ARHGAP24: variants seen among roughly 807,000 people sequenced by gnomAD.
ARHGAP24 encodes Rho GTPase activating protein 24.
ARHGAP24 carries 50 observed loss-of-function variants against 76.4 expected under a neutral mutation model. That is an observed-to-expected ratio of 0.65 (90% CI 0.52 to 0.83). The LOEUF is 0.83. Ranked by LOEUF, ARHGAP24 falls within the 40% of genes least tolerant of loss-of-function variation. The pLI, the probability that ARHGAP24 is intolerant of heterozygous loss-of-function variation, is 0.00. For missense variants in ARHGAP24, 930 were observed against 914.2 expected (o/e 1.02, Z -0.22); for synonymous variants, 345 against 323.3 (o/e 1.07, Z -0.72).
Position 85,814,038 on chromosome 4 carries a change from T to C in ARHGAP24, c.268+92066T>C, listed in dbSNP as rs143601004. On this transcript the variant is annotated intron_variant, in intron 3 of 9. Coordinates refer to ENST00000395184, the MANE Select transcript of ARHGAP24 (RefSeq NM_001025616.3). ...GAGAGAGAATGAGAGCCAAGAGAAA[T>C]AGGTTTCCCCTTATCAAACCATCAG... is the stretch of plus-strand genomic sequence containing the variant. 9.8e-3 allele frequency among the ~76,000 whole-genome samples: 1,486 copies of C among 151,752 alleles called. 28 individuals carry two copies. The highest frequency in any genetic ancestry group is 0.034 in the African/African-American group (1,394 of 41,346).
At chr4:85,774,556 G>GT (rs1727240204) in intron 3 of ARHGAP24, among the ~76,000 whole-genome samples, 1 of 152,118 alleles carries the variant, frequency 6.6e-6, no homozygotes, top group Non-Finnish European at 1.5e-5. Context: ...AGAGATTTCC[G>GT]GAAGCTCTTA....
intron 3 of ARHGAP24, among the ~76,000 whole-genome samples, chr4:85,743,815 C>T (rs2601856): frequency 0.94 from 143,037 of 152,266 alleles, 67,862 homozygotes; most frequent in East Asian, 1. Context: ...TTAAAACAAC[C>T]TTAATTATAA....
At chr4:85,737,919 A>G (rs762976511) in intron 3 of ARHGAP24, among the ~76,000 whole-genome samples, 3 of 152,100 alleles carry the variant, frequency 2.0e-5, no homozygotes, top group Non-Finnish European at 4.4e-5. Flanking sequence ...TTTTGTCAGT[A>G]TAAGTAGGAA....
chr4:85,599,341 G>A (rs1190286690), intron 2 of ARHGAP24, among the ~76,000 whole-genome samples: 2 of 152,140 alleles, frequency 1.3e-5, no homozygotes, highest in Non-Finnish European at 2.9e-5. Context: ...TGGCTGAGAT[G>A]GAAACAGAGC....
intron 1 of ARHGAP24, among the ~76,000 whole-genome samples, chr4:85,495,329 C>G (rs954822987): frequency 2.1e-5 from 3 of 143,112 alleles, no homozygotes; most frequent in Non-Finnish European, 4.5e-5. Flanking sequence ...CAAGTAAGTA[C>G]AGAAGTACAG....
chr4:85,827,935 C>T, intron 3 of ARHGAP24: 1 of 1,289,738 alleles, frequency 7.8e-7, no homozygotes. Context: ...CAAGTGCAGC[C>T]TGCATTTGTC....
chr4:85,732,928 C>T (rs1725461938), intron 3 of ARHGAP24, among the ~76,000 whole-genome samples: 1 of 151,284 alleles, frequency 6.6e-6, no homozygotes, highest in Non-Finnish European at 1.5e-5. Context: ...GAACTCCCAA[C>T]CTCAGATGAT....
At chr4:85,837,467 C>T (rs1730351817) in intron 3 of ARHGAP24, among the ~76,000 whole-genome samples, 1 of 152,000 alleles carries the variant, frequency 6.6e-6, no homozygotes, top group Non-Finnish European at 1.5e-5. Flanking sequence ...AGATGTAATT[C>T]AGCTGGAATT....
At chr4:85,577,578 G>A (rs928013386) in intron 2 of ARHGAP24, among the ~76,000 whole-genome samples, 12 of 152,176 alleles carry the variant, frequency 7.9e-5, no homozygotes, top group South Asian at 6.2e-4. Flanking sequence ...GCAGAGGAGC[G>A]CGAGAGTGAG....
chr4:85,996,068 G>A (rs1740641896), intron 9 of ARHGAP24, among the ~76,000 whole-genome samples: 2 of 152,292 alleles, frequency 1.3e-5, no homozygotes, highest in Middle Eastern at 6.8e-3. Flanking sequence ...GGTAAAAAAA[G>A]TAGAAGTAAA....
chr4:85,874,383 T>C (rs970640846), intron 3 of ARHGAP24, among the ~76,000 whole-genome samples: 11 of 152,166 alleles, frequency 7.2e-5, no homozygotes, highest in African/African-American at 2.7e-4. Context: ...GGATGTGTCT[T>C]TGCAGTTTCT....
intron 3 of ARHGAP24, among the ~76,000 whole-genome samples, chr4:85,840,347 T>G (rs1324207458): frequency 6.6e-6 from 1 of 152,224 alleles, no homozygotes; most frequent in East Asian, 1.9e-4. Flanking sequence ...TTTCCTGGAC[T>G]GCATTTTACA....
chr4:85,962,133 C>T (rs113358214), intron 5 of ARHGAP24, among the ~76,000 whole-genome samples: 4,603 of 151,978 alleles, frequency 0.03, 266 homozygotes, highest in African/African-American at 0.11. Context: ...GCCCTAGGTC[C>T]GACTGAAGCA....
At chr4:85,838,338 C>T (rs1487608858) in intron 3 of ARHGAP24, among the ~76,000 whole-genome samples, 1 of 152,228 alleles carries the variant, frequency 6.6e-6, no homozygotes, top group East Asian at 1.9e-4. Context: ...TGGCTCACGC[C>T]TGTAATCCCA....
intron 1 of ARHGAP24, among the ~76,000 whole-genome samples, chr4:85,531,419 G>A (rs1725254841): frequency 6.6e-6 from 1 of 152,044 alleles, no homozygotes; most frequent in Non-Finnish European, 1.5e-5. Flanking sequence ...GACATATTGA[G>A]TGTGTGGAAG....
At position 85,984,176 on chromosome 4, in the gene ARHGAP24, G is replaced by A. The variant is rs117201923; in HGVS notation, c.928+6485G>A. Among the ~76,000 whole-genome samples, 117 of 152,224 alleles carry A rather than the reference G, an allele frequency of 7.7e-4. 1 individual carries two copies. In the East Asian group the frequency reaches 0.014, roughly 18 times the overall value. ...AATTATGGTATTTTTCTTAGAGGTCGGGGAACCATCACAGATGGGACATTT... is the reference window on the plus strand; with the variant it reads ...AATTATGGTATTTTTCTTAGAGGTCAGGGAACCATCACAGATGGGACATTT... On this transcript the variant is annotated intron_variant, in intron 8 of 9. Transcript: ENST00000395184.
chr4:85,477,667 AG>A (rs1334944137), intron 1 of ARHGAP24, among the ~76,000 whole-genome samples: 4 of 152,172 alleles, frequency 2.6e-5, no homozygotes, highest in Admixed American at 6.5e-5. Context: ...GAGTAGTCCG[AG>A]TATGATTACT....
intron 2 of ARHGAP24, among the ~76,000 whole-genome samples, chr4:85,649,011 AT>A (rs1721831041): frequency 6.8e-6 from 1 of 147,924 alleles, no homozygotes; most frequent in Non-Finnish European, 1.5e-5. Context: ...ATTTGTAAAT[AT>A]GTGTGTGTGT....
intron 3 of ARHGAP24, among the ~76,000 whole-genome samples, chr4:85,847,888 A>T (rs1261357510): frequency 6.6e-6 from 1 of 152,170 alleles, no homozygotes; most frequent in Admixed American, 6.5e-5. Context: ...AGCATTGTTC[A>T]TCTCATCCAG....
Sources: allele counts gnomAD v4.1 joint callset (sites outside exome capture counted in the v4.1 genomes callset), GRCh38; gene constraint gnomAD v4.1.1; transcripts MANE v1.5; gene names NCBI Gene and HGNC (gene_info 2026-07-23, HGNC 2026-07-21).